Variants in TPD52 observed in about 807,000 individuals in gnomAD.
TPD52 encodes prostate and colon associated protein.
A neutral mutation model predicts 31.3 loss-of-function variants in TPD52; 17 were observed. That is an observed-to-expected ratio of 0.54 (90% CI 0.37 to 0.82). TPD52 has a LOEUF of 0.82. Ranked by LOEUF, TPD52 falls within the 40% of genes least tolerant of loss-of-function variation. The pLI is 0.00. For missense variants in TPD52, 212 were observed against 240.1 expected (o/e 0.88, Z 0.77); for synonymous variants, 83 against 89.6 (o/e 0.93, Z 0.42).
In TPD52 at chr8:80,072,321, G is replaced by A. The variant is rs951279373; in HGVS notation, c.20-7728C>T. Among the ~76,000 whole-genome samples, 35 of 141,988 alleles carry A rather than the reference G, an allele frequency of 2.5e-4. 1 individual carries two copies. The highest frequency in any genetic ancestry group is 8.8e-4 in the African/African-American group (30 of 34,122). The allele number at this position is 141,988 out of a possible 152,430, so 93.1% of individuals were successfully genotyped here. A position where few individuals can be genotyped will look rare whatever the true frequency, so the allele number is the denominator to read the frequency against. On this transcript the variant is annotated intron_variant, in intron 1 of 7. Transcript: ENST00000518937. Reference sequence around the variant, plus strand: ...GACTCCATCTAAAAAACATATATGTGTGTGTGTGTGTGTGTGTGTGTGTGT... The same window carrying A: ...GACTCCATCTAAAAAACATATATGTATGTGTGTGTGTGTGTGTGTGTGTGT...
At chr8:80,105,729 CTTTTTT>C (rs57266800) in intron 1 of TPD52, among the ~76,000 whole-genome samples, 1 of 112,764 alleles carries the variant, frequency 8.9e-6, no homozygotes, top group Admixed American at 9.5e-5. Context: ...CCCAGGTCTG[CTTTTTT>C]TTTTTTTTTT....
intron 1 of TPD52, chr8:80,080,341 G>A (rs762093515): frequency 6.2e-7 from 1 of 1,614,084 alleles, no homozygotes; most frequent in South Asian, 1.1e-5. Flanking sequence ...AGGTGATCCG[G>A]GTGGAGATGA....
At chr8:80,136,011 T>C (rs1271571840) in intron 1 of TPD52, among the ~76,000 whole-genome samples, 75 of 108,332 alleles carry the variant, frequency 6.9e-4, no homozygotes, top group African/African-American at 2.3e-3. Context: ...AGGGATAGCA[T>C]TGGGAGATAT....
intron 1 of TPD52, among the ~76,000 whole-genome samples, chr8:80,168,990 T>G (rs747039639): frequency 1.3e-5 from 2 of 152,098 alleles, no homozygotes; most frequent in Non-Finnish European, 2.9e-5. Flanking sequence ...TGTTTTGTGT[T>G]TGTTTGTTTT....
intron 1 of TPD52, among the ~76,000 whole-genome samples, chr8:80,086,090 G>A (rs1283448272): frequency 1.4e-5 from 2 of 144,054 alleles, no homozygotes; most frequent in East Asian, 2.0e-4. Flanking sequence ...TTGTTGCTTC[G>A]GGTTTTTTTG....
intron 1 of TPD52, chr8:80,080,491 T>C (rs757972836): frequency 6.2e-7 from 1 of 1,609,338 alleles, no homozygotes; most frequent in Non-Finnish European, 8.5e-7. Flanking sequence ...TCTAATCGCC[T>C]GATATCAGCC....
At chr8:80,100,351 A>G (rs4740102) in intron 1 of TPD52, among the ~76,000 whole-genome samples, 2 of 152,324 alleles carry the variant, frequency 1.3e-5, no homozygotes, top group East Asian at 3.9e-4. Flanking sequence ...AACACTATTC[A>G]TACTCCCCTT....
chr8:80,123,268 G>A (rs570121852), intron 1 of TPD52, among the ~76,000 whole-genome samples: 63 of 152,318 alleles, frequency 4.1e-4, no homozygotes, highest in African/African-American at 1.4e-3. Flanking sequence ...GAGCTAGGAT[G>A]CTGGTGGCTT....
intron 2 of TPD52, among the ~76,000 whole-genome samples, chr8:80,058,016 A>G (rs374087375): frequency 2.0e-5 from 3 of 152,314 alleles, no homozygotes; most frequent in East Asian, 3.9e-4. Flanking sequence ...TAATGCATGT[A>G]AAGAGCTCAG....
At chr8:80,094,761 TTA>T (rs1491296409) in intron 1 of TPD52, among the ~76,000 whole-genome samples, 5 of 128,258 alleles carry the variant, frequency 3.9e-5, no homozygotes, top group African/African-American at 1.6e-4. Context: ...CTACCATAAT[TTA>T]AAAAAAAAAT....
chr8:80,031,202 G>T (rs568707460), downstream of TPD52, among the ~76,000 whole-genome samples: 1 of 152,154 alleles, frequency 6.6e-6, no homozygotes. Context: ...CAAGTACTTC[G>T]AGAGAAAGAA....
rs977352362 is a variant in TPD52 at position 80,051,529 on chromosome 8, T to C, written c.384A>G (p.Val128=). The part of the protein sequence containing the change: ...GSVITKKLED[V]KLQAFSHSFS... ...AGCAAGGAAAAATGAGGACATACTT[T>C]ACATCTTCCAGCTTTTTGGTGATGA... Residue 128 remains valine (V), a splice_region_variant and synonymous_variant, in exon 4 of 8, where the codon GTA becomes GTG. Transcript: ENST00000518937. 1.9e-6 allele frequency: 3 copies of C among 1,613,634 alleles called. No individual in the cohort carries two copies. Among genetic ancestry groups the C allele is most frequent in the Non-Finnish European group, 2.5e-6 (3 of 1,179,636 alleles).
At chr8:80,124,329 C>G (rs1249947701) in intron 1 of TPD52, among the ~76,000 whole-genome samples, 1 of 152,114 alleles carries the variant, frequency 6.6e-6, no homozygotes, top group Non-Finnish European at 1.5e-5. Flanking sequence ...CCGTGCCTGG[C>G]TAATATTTGT....
chr8:80,062,277 G>C, intron 2 of TPD52, among the ~76,000 whole-genome samples: 1 of 152,150 alleles, frequency 6.6e-6, no homozygotes, highest in East Asian at 1.9e-4. Context: ...ATGGTTAACT[G>C]ATTTTTTTTC....
intron 1 of TPD52, among the ~76,000 whole-genome samples, chr8:80,141,546 G>A (rs904272799): frequency 6.6e-6 from 1 of 152,134 alleles, no homozygotes; most frequent in Non-Finnish European, 1.5e-5. Context: ...ACTCTACTGC[G>A]ACCTCATGGA....
intron 1 of TPD52, among the ~76,000 whole-genome samples, chr8:80,092,808 G>A (rs1816384881): frequency 6.6e-6 from 1 of 151,720 alleles, no homozygotes; most frequent in East Asian, 1.9e-4. Context: ...AATTATAAGA[G>A]GTGAGATTGT....
intron 3 of TPD52, chr8:80,052,476 G>T (rs1202852509): frequency 5.3e-6 from 2 of 377,540 alleles, no homozygotes; most frequent in Admixed American, 4.5e-5. Context: ...ATAGTTTCCT[G>T]TATGTTTTCC....
At chr8:80,113,349 A>C (rs1807636387) in intron 1 of TPD52, among the ~76,000 whole-genome samples, 2 of 152,174 alleles carry the variant, frequency 1.3e-5, no homozygotes, top group African/African-American at 4.8e-5. Flanking sequence ...GTAAATTAGT[A>C]CAGTAACTAT....
At chr8:80,160,873 A>G (rs373300052) in intron 1 of TPD52, among the ~76,000 whole-genome samples, 1 of 124,856 alleles carries the variant, frequency 8.0e-6, no homozygotes, top group South Asian at 2.8e-4. Flanking sequence ...GCAAAACACC[A>G]TCTCTACTAA....
Sources: gnomAD v4.1 joint callset for allele counts (sites outside exome capture counted in the v4.1 genomes callset) on GRCh38, gnomAD v4.1.1 for gene constraint, MANE v1.5 for transcripts, NCBI Gene and HGNC (gene_info 2026-07-23, HGNC 2026-07-21) for gene names.